Variants in SLC30A9 observed in about 807,000 individuals in gnomAD.
SLC30A9 encodes solute carrier family 30 member 9, also known as proton-coupled zinc antiporter SLC30A9, mitochondrial.
Under a neutral mutation model 87.5 loss-of-function variants are expected in SLC30A9, and 58 were observed. That is an observed-to-expected ratio of 0.66 (90% CI 0.54 to 0.82). The LOEUF (loss-of-function observed/expected upper bound fraction) is 0.82. SLC30A9 is among the 40% of genes least tolerant of loss of function. The probability of loss-of-function intolerance (pLI) is 0.00; values close to 1 mark genes in which losing one functional copy is unlikely to be tolerated. For missense variants in SLC30A9, 557 were observed against 679.1 expected (o/e 0.82, Z 2.00); for synonymous variants, 234 against 233.0 (o/e 1.00, Z -0.04).
chr4:42,047,447 A>G (rs188131965), intron 8 of SLC30A9, among the ~76,000 whole-genome samples: 3 of 152,248 alleles, frequency 2.0e-5, no homozygotes, highest in Non-Finnish European at 4.4e-5. Flanking sequence ...TCAAAAGAAG[A>G]TATTTATGCA....
At chr4:42,011,220 G>T (rs1020835733) in intron 2 of SLC30A9, among the ~76,000 whole-genome samples, 1 of 152,206 alleles carries the variant, frequency 6.6e-6, no homozygotes, top group African/African-American at 2.4e-5. Flanking sequence ...GGTGGCAGGA[G>T]AGAGAATAAG....
At chr4:42,003,039 T>C (rs1421832520) in intron 2 of SLC30A9, among the ~76,000 whole-genome samples, 7 of 152,054 alleles carry the variant, frequency 4.6e-5, no homozygotes, top group Non-Finnish European at 8.8e-5. Flanking sequence ...TTTTGATATA[T>C]AATATTTTTA....
chr4:42,001,375 A>G (rs1336253763), intron 1 of SLC30A9, among the ~76,000 whole-genome samples: 1 of 152,028 alleles, frequency 6.6e-6, no homozygotes, highest in Non-Finnish European at 1.5e-5. Context: ...ATTATGTACT[A>G]TATACCTTTC....
At chr4:42,058,417 C>A (rs1717712609) in intron 9 of SLC30A9, among the ~76,000 whole-genome samples, 1 of 152,196 alleles carries the variant, frequency 6.6e-6, no homozygotes, top group Non-Finnish European at 1.5e-5. Context: ...TCCAAACTTT[C>A]TCACATTTTC....
intron 8 of SLC30A9, among the ~76,000 whole-genome samples, chr4:42,042,212 C>G (rs1716951263): frequency 6.6e-6 from 1 of 152,152 alleles, no homozygotes; most frequent in Non-Finnish European, 1.5e-5. Flanking sequence ...GAGACAGAAC[C>G]TTTTAATCCC....
intron 1 of SLC30A9, among the ~76,000 whole-genome samples, chr4:41,991,659 C>T (rs1310486905): frequency 1.3e-5 from 2 of 152,122 alleles, no homozygotes; most frequent in African/African-American, 4.8e-5. Flanking sequence ...TGGTGCGCTC[C>T]TGTAGTCCAG....
At chr4:42,026,580 T>C (rs77339985) in intron 6 of SLC30A9, among the ~76,000 whole-genome samples, 3,978 of 152,312 alleles carry the variant, frequency 0.026, 76 homozygotes, top group African/African-American at 0.043. Flanking sequence ...TAGAACAATT[T>C]ATTTTTTAGT....
chr4:42,071,189 G>A (rs2153140630), intron 15 of SLC30A9, among the ~76,000 whole-genome samples: 1 of 152,052 alleles, frequency 6.6e-6, no homozygotes, highest in South Asian at 2.1e-4. Flanking sequence ...CTAAAGAACT[G>A]GAGACTTAGG....
chr4:42,046,888 A>G (rs1386331971), intron 8 of SLC30A9, among the ~76,000 whole-genome samples: 1 of 152,206 alleles, frequency 6.6e-6, no homozygotes, highest in African/African-American at 2.4e-5. Flanking sequence ...AAACAGATAT[A>G]TAGACCAATG....
chr4:41,997,958 C>T (rs7680399), intron 1 of SLC30A9, among the ~76,000 whole-genome samples: 7,343 of 152,328 alleles, frequency 0.048, 250 homozygotes, highest in African/African-American at 0.077. Context: ...AATAAACTCA[C>T]GTTGCAAGAA....
intron 3 of SLC30A9, among the ~76,000 whole-genome samples, chr4:42,019,705 T>C (rs1459443674): frequency 6.6e-6 from 1 of 151,854 alleles, no homozygotes; most frequent in Non-Finnish European, 1.5e-5. Flanking sequence ...TAGTAGTCTT[T>C]GATTACTTTA....
chr4:42,046,656 G>C (rs34965466), intron 8 of SLC30A9, among the ~76,000 whole-genome samples: 1 of 152,026 alleles, frequency 6.6e-6, no homozygotes, highest in South Asian at 2.1e-4. Flanking sequence ...GCCGTACTGC[G>C]CAAAGTAATT....
intron 9 of SLC30A9, among the ~76,000 whole-genome samples, chr4:42,056,212 A>G (rs1040014832): frequency 3.3e-5 from 5 of 152,078 alleles, no homozygotes; most frequent in African/African-American, 1.2e-4. Flanking sequence ...TTTAAAAATA[A>G]TATAAATACA....
Position 42,026,713 on chromosome 4 carries a change from C to CT in SLC30A9, c.610+3340dup, listed in dbSNP as rs1168719605. Reference sequence around the variant, plus strand: ...GCTGTTAAAAGCCCTAAGTTTGTTCCTTTTTTTTTTTCTTTTCATCTTCTC... The same window carrying CT: ...GCTGTTAAAAGCCCTAAGTTTGTTCCTTTTTTTTTTTTCTTTTCATCTTCTC... On this transcript the variant is annotated intron_variant, in intron 6 of 17. Coordinates refer to ENST00000264451, the MANE Select transcript of SLC30A9 (RefSeq NM_006345.4). 6.8e-3 allele frequency among the ~76,000 whole-genome samples: 504 copies of CT among 74,498 alleles called. 4 individuals carry two copies. Among genetic ancestry groups the CT allele is most frequent in the African/African-American group, 0.013 (483 of 35,792 alleles). 48.9% of individuals were successfully genotyped at this position (74,498 alleles called of 152,430 possible).
chr4:42,070,753 C>T, intron 15 of SLC30A9, 62 bp downstream of exon 15: 1 of 1,400,412 alleles, frequency 7.1e-7, no homozygotes, highest in Non-Finnish European at 9.7e-7. Context: ...ACAGAAATGC[C>T]TGGTTTGTAA....
chr4:42,068,534 C>T (rs1467685728), intron 14 of SLC30A9, among the ~76,000 whole-genome samples: 1 of 152,198 alleles, frequency 6.6e-6, no homozygotes, highest in Non-Finnish European at 1.5e-5. Flanking sequence ...CATGAGCCAC[C>T]ACGCCCGGCC....
At chr4:42,076,689 C>A (rs1456311461) in intron 16 of SLC30A9, among the ~76,000 whole-genome samples, 1 of 151,930 alleles carries the variant, frequency 6.6e-6, no homozygotes. Flanking sequence ...CATGGCCGGG[C>A]GCGGTGGCTC....
chr4:41,996,684 C>T (rs1290830361), intron 1 of SLC30A9, among the ~76,000 whole-genome samples: 1 of 152,122 alleles, frequency 6.6e-6, no homozygotes, highest in African/African-American at 2.4e-5. Flanking sequence ...GTTGAGGCTG[C>T]AGTGAACCAT....
At position 42,089,718 on chromosome 4, in the gene SLC30A9, C is replaced by G. The variant is rs1304097791; in HGVS notation, c.*3592C>G. The G allele has an allele frequency of 6.6e-6, 1 of 152,244 alleles. No individual in the cohort carries two copies. The highest frequency in any genetic ancestry group is 1.5e-5 in the Non-Finnish European group (1 of 68,118). The allele number at this position is 152,244 out of a possible 1,614,324, so 9.4% of individuals were successfully genotyped here. On this transcript the variant is annotated 3_prime_UTR_variant, in exon 18 of 18. Transcript: ENST00000264451. ...AGGTGTGAGCCACTGCTCCGGTGAT[C>G]TGTTTTTAAGTGGAGTATCCTGGGG...
Sources: gnomAD v4.1 joint callset for allele counts (sites outside exome capture counted in the v4.1 genomes callset) on GRCh38, gnomAD v4.1.1 for gene constraint, MANE v1.5 for transcripts, NCBI Gene and HGNC (gene_info 2026-07-23, HGNC 2026-07-21) for gene names.